Variants in SLC25A13 observed in about 807,000 individuals in gnomAD.
SLC25A13 encodes the protein electrogenic aspartate/glutamate antiporter SLC25A13, mitochondrial.
A neutral mutation model predicts 85.5 loss-of-function variants in SLC25A13; 70 were observed. The observed-to-expected ratio is 0.82, with a 90% confidence interval of 0.68 to 1.00. The LOEUF (loss-of-function observed/expected upper bound fraction) is 1.00. Among genes scored for constraint, SLC25A13 ranks in the 50% least tolerant of loss-of-function variants. The pLI, the probability that SLC25A13 is intolerant of heterozygous loss-of-function variation, is 0.00. For synonymous variants in SLC25A13, 259 were observed against 288.7 expected (o/e 0.90, Z 1.04); for missense variants, 765 against 819.8 (o/e 0.93, Z 0.82).
At chr7:96,297,549 G>T (rs1799392340) in intron 1 of SLC25A13, among the ~76,000 whole-genome samples, 1 of 152,014 alleles carries the variant, frequency 6.6e-6, no homozygotes, top group Non-Finnish European at 1.5e-5. Context: ...GGCCAGGCTG[G>T]TCTCAAACTC....
At chr7:96,135,173 G>A (rs911341564) in intron 14 of SLC25A13, among the ~76,000 whole-genome samples, 2 of 152,148 alleles carry the variant, frequency 1.3e-5, no homozygotes, top group African/African-American at 4.8e-5. Flanking sequence ...ATGTGTGAAA[G>A]TCCTTGTAAG....
At chr7:96,219,383 T>C (rs1175564309) in intron 4 of SLC25A13, among the ~76,000 whole-genome samples, 1 of 152,118 alleles carries the variant, frequency 6.6e-6, no homozygotes, top group Non-Finnish European at 1.5e-5. Flanking sequence ...TATGTAAAAA[T>C]TAGGGCTAAT....
chr7:96,282,939 T>C (rs1036472241), intron 2 of SLC25A13, among the ~76,000 whole-genome samples: 17 of 152,180 alleles, frequency 1.1e-4, no homozygotes, highest in African/African-American at 3.9e-4. Context: ...GTCTTTTTTG[T>C]TGCTGCTGCA....
chr7:96,192,933 A>C, intron 6 of SLC25A13, 104 bp downstream of exon 6: 1 of 1,239,654 alleles, frequency 8.1e-7, no homozygotes, highest in Non-Finnish European at 1.2e-6. Flanking sequence ...TTAAAATGTT[A>C]GTGTTTGCAA....
chr7:96,240,829 A>G (rs1270193448), intron 3 of SLC25A13, among the ~76,000 whole-genome samples: 2 of 151,582 alleles, frequency 1.3e-5, no homozygotes, highest in African/African-American at 2.4e-5. Context: ...TGGTAGACCA[A>G]GATCTGATAA....
At chr7:96,229,909 C>T (rs1008955074) in intron 4 of SLC25A13, among the ~76,000 whole-genome samples, 1 of 152,162 alleles carries the variant, frequency 6.6e-6, no homozygotes, top group Admixed American at 6.5e-5. Flanking sequence ...ACCAAGAACC[C>T]ACCAATTCCA....
intron 14 of SLC25A13, among the ~76,000 whole-genome samples, chr7:96,143,220 G>A (rs1186111561): frequency 6.6e-6 from 1 of 152,198 alleles, no homozygotes; most frequent in Non-Finnish European, 1.5e-5. Context: ...ACTGTTAAAT[G>A]ATAAGTTTCA....
chr7:96,270,085 T>A (rs961554878), intron 3 of SLC25A13, among the ~76,000 whole-genome samples: 58 of 152,220 alleles, frequency 3.8e-4, no homozygotes, highest in African/African-American at 1.4e-3. Flanking sequence ...TAATCATATA[T>A]TGTATACTTG....
intron 1 of SLC25A13, among the ~76,000 whole-genome samples, chr7:96,314,950 C>T (rs569976392): frequency 6.6e-6 from 1 of 152,238 alleles, no homozygotes; most frequent in African/African-American, 2.4e-5. Context: ...ATGAGGTTAG[C>T]CCAGGAGAGG....
chr7:96,135,456 C>T (rs1398948978), intron 14 of SLC25A13, among the ~76,000 whole-genome samples: 2 of 152,162 alleles, frequency 1.3e-5, no homozygotes, highest in African/African-American at 2.4e-5. Flanking sequence ...TGTAAGACTG[C>T]CTTAGGCAAT....
intron 2 of SLC25A13, among the ~76,000 whole-genome samples, chr7:96,293,089 C>T (rs913314958): frequency 2.0e-5 from 3 of 152,104 alleles, no homozygotes; most frequent in African/African-American, 7.2e-5. Flanking sequence ...GAGACATAGA[C>T]CAATGGAACA....
At chr7:96,213,225 A>C (rs1288197742) in intron 4 of SLC25A13, among the ~76,000 whole-genome samples, 1 of 152,136 alleles carries the variant, frequency 6.6e-6, no homozygotes, top group African/African-American at 2.4e-5. Flanking sequence ...TAAACTCAAT[A>C]ATCACTATGG....
chr7:96,124,038 C>T (rs1175173828), intron 15 of SLC25A13, among the ~76,000 whole-genome samples: 1 of 152,196 alleles, frequency 6.6e-6, no homozygotes, highest in Non-Finnish European at 1.5e-5. Flanking sequence ...TCTTCAATGA[C>T]AAGACAAACA....
In SLC25A13 at chr7:96,260,649, C is replaced by T. The variant is rs996293206; in HGVS notation, c.212+16547G>A. On this transcript the variant is annotated intron_variant, in intron 3 of 17. Transcript: ENST00000265631. ...AAGAACTCTTAATTTTGCTTCCAAA[C>T]CTACTCTTCCCCCAACATTCCCTAT... 2.0e-5 allele frequency among the ~76,000 whole-genome samples: 3 copies of T among 152,104 alleles called. No individual in the cohort carries two copies. The South Asian group carries it at 6.2e-4, about 31-fold the overall frequency.
At chr7:96,270,765 A>AT (rs1798211856) in intron 3 of SLC25A13, among the ~76,000 whole-genome samples, 1 of 152,256 alleles carries the variant, frequency 6.6e-6, no homozygotes, top group African/African-American at 2.4e-5. Context: ...ACACAACAAA[A>AT]TTTATGCTAT....
At chr7:96,175,532 G>A (rs1426507224) in intron 11 of SLC25A13, among the ~76,000 whole-genome samples, 3 of 152,180 alleles carry the variant, frequency 2.0e-5, no homozygotes. Flanking sequence ...AGAAGAAACT[G>A]AGGCCGACTT....
intron 4 of SLC25A13, among the ~76,000 whole-genome samples, chr7:96,211,961 A>G (rs1427200698): frequency 6.6e-6 from 1 of 152,242 alleles, no homozygotes; most frequent in African/African-American, 2.4e-5. Context: ...AAGCATTATC[A>G]GGGAGTATGG....
chr7:96,216,373 T>C (rs965402218), intron 4 of SLC25A13, among the ~76,000 whole-genome samples: 2 of 152,002 alleles, frequency 1.3e-5, no homozygotes, highest in African/African-American at 4.8e-5. Context: ...AGAAATACCA[T>C]TCAACCCAGT....
At chr7:96,190,376 C>A (rs1043668137) in intron 7 of SLC25A13, among the ~76,000 whole-genome samples, 1 of 151,842 alleles carries the variant, frequency 6.6e-6, no homozygotes, top group African/African-American at 2.4e-5. Flanking sequence ...CAGGCATGAG[C>A]CACCGCACCG....
Sources: gnomAD v4.1 joint callset for allele counts (sites outside exome capture counted in the v4.1 genomes callset) on GRCh38, gnomAD v4.1.1 for gene constraint, MANE v1.5 for transcripts, NCBI Gene and HGNC (gene_info 2026-07-23, HGNC 2026-07-21) for gene names.